Variants in MYO1D observed in about 807,000 individuals in gnomAD.
The protein encoded by MYO1D is myosin ID.
In MYO1D, 83 loss-of-function variants were observed where a neutral mutation model predicts 122.0. The observed-to-expected ratio is 0.68, with a 90% confidence interval of 0.57 to 0.82. The LOEUF (loss-of-function observed/expected upper bound fraction) is 0.82. Ranked by LOEUF, MYO1D falls within the 40% of genes least tolerant of loss-of-function variation. The probability of loss-of-function intolerance (pLI) is 0.00; values close to 1 mark genes in which losing one functional copy is unlikely to be tolerated. For synonymous variants in MYO1D, 464 were observed against 446.9 expected (o/e 1.04, Z -0.48); for missense variants, 1,157 against 1,269.5 (o/e 0.91, Z 1.35).
intron 21 of MYO1D, among the ~76,000 whole-genome samples, chr17:32,552,790 A>G (rs2087030160): frequency 6.6e-6 from 1 of 152,210 alleles, no homozygotes; most frequent in Admixed American, 6.6e-5. Flanking sequence ...TAGTAAGCGA[A>G]ACCACAGAAC....
At chr17:32,608,806 C>T (rs190847538) in intron 20 of MYO1D, among the ~76,000 whole-genome samples, 6 of 152,288 alleles carry the variant, frequency 3.9e-5, no homozygotes, top group East Asian at 1.9e-4. Context: ...AATAATGGAA[C>T]GCTACTCAGC....
chr17:32,678,364 C>T (rs1217684124), intron 16 of MYO1D, among the ~76,000 whole-genome samples: 3 of 150,672 alleles, frequency 2.0e-5, no homozygotes, highest in Non-Finnish European at 3.0e-5. Context: ...CCCACTAACT[C>T]GTCATCTAGC....
chr17:32,595,777 A>G (rs1008583608), intron 21 of MYO1D, among the ~76,000 whole-genome samples: 1 of 152,232 alleles, frequency 6.6e-6, no homozygotes, highest in African/African-American at 2.4e-5. Context: ...CTTGTATTCC[A>G]GTTGGAATAT....
At chr17:32,560,122 G>GCC (rs2087105515) in intron 21 of MYO1D, among the ~76,000 whole-genome samples, 1 of 152,174 alleles carries the variant, frequency 6.6e-6, no homozygotes, top group Non-Finnish European at 1.5e-5. Flanking sequence ...AGGTGTGGTG[G>GCC]CATGTGCCTG....
intron 21 of MYO1D, among the ~76,000 whole-genome samples, chr17:32,532,791 T>C (rs1482188733): frequency 4.0e-5 from 6 of 151,720 alleles, no homozygotes; most frequent in Admixed American, 3.9e-4. Context: ...ACAGCAGGGC[T>C]GAGGCCCTCC....
chr17:32,794,070 G>A (rs534709136), intron 1 of MYO1D: 1 of 152,280 alleles, frequency 6.6e-6, no homozygotes, highest in East Asian at 1.9e-4. Context: ...TCACAGTGAG[G>A]GTTACTTCTG....
chr17:32,755,172 A>C (rs1382831245), intron 11 of MYO1D, among the ~76,000 whole-genome samples: 1 of 152,202 alleles, frequency 6.6e-6, no homozygotes, highest in Non-Finnish European at 1.5e-5. Flanking sequence ...ATTCTAGCAC[A>C]TGAGCAAGGA....
At chr17:32,673,279 A>AT (rs1484481448) in intron 16 of MYO1D, among the ~76,000 whole-genome samples, 1 of 150,612 alleles carries the variant, frequency 6.6e-6, no homozygotes, top group African/African-American at 2.4e-5. Context: ...AATTTTTTGT[A>AT]TTTTAGTAGA....
At chr17:32,687,182 A>C (rs372695709) in intron 16 of MYO1D, among the ~76,000 whole-genome samples, 1 of 145,060 alleles carries the variant, frequency 6.9e-6, no homozygotes, top group Non-Finnish European at 1.5e-5. Flanking sequence ...GCAAGGGCCA[A>C]CATGCCTGGC....
At chr17:32,848,614 C>T (rs2090958669) in intron 1 of MYO1D, among the ~76,000 whole-genome samples, 1 of 152,192 alleles carries the variant, frequency 6.6e-6, no homozygotes, top group South Asian at 2.1e-4. Context: ...AGTTGCCATA[C>T]TCTGTCCTTA....
chr17:32,841,840 T>C (rs1419564198), intron 1 of MYO1D, among the ~76,000 whole-genome samples: 3 of 151,650 alleles, frequency 2.0e-5, no homozygotes, highest in Non-Finnish European at 4.4e-5. Context: ...GAAGTGGGAG[T>C]TCAGGTCTGC....
intron 16 of MYO1D, among the ~76,000 whole-genome samples, chr17:32,704,662 C>T (rs532017977): frequency 5.9e-5 from 9 of 152,278 alleles, no homozygotes; most frequent in Non-Finnish European, 1.2e-4. Context: ...ATTGTTAGTA[C>T]TTGTCAAGCA....
Position 32,721,029 on chromosome 17 carries a change from A to G in MYO1D, c.1907T>C (p.Leu636Pro). The change falls in exon 15 of 22, where the codon CTT (leucine) becomes CCT (proline). Residue 636 changes from leucine to proline, a missense_variant. Transcript: ENST00000318217. The stretch of plus-strand genomic sequence containing the variant: ...CTGACGAGTCTATTCTCACCTGTGA[A>G]GAAACTTCTCGTATGTCTGGCGGAA... ...FAFRQTYEKF[L>P]HRYKMISEFT... The G allele has an allele frequency of 6.2e-7, 1 of 1,613,962 alleles. No homozygotes were observed. The highest frequency in any genetic ancestry group is 8.5e-7 in the Non-Finnish European group (1 of 1,179,888).
intron 16 of MYO1D, among the ~76,000 whole-genome samples, chr17:32,690,280 A>C (rs184863879): frequency 2.5e-4 from 38 of 151,466 alleles, no homozygotes; most frequent in Admixed American, 2.5e-3. Context: ...GGCTCAAGCA[A>C]TTCTCCTGCC....
chr17:32,647,319 C>A (rs1264741102), intron 19 of MYO1D, among the ~76,000 whole-genome samples: 2 of 152,138 alleles, frequency 1.3e-5, no homozygotes, highest in African/African-American at 2.4e-5. Flanking sequence ...GCTGGCGTAG[C>A]CTTGGGATTG....
chr17:32,685,855 G>A (rs147687329), intron 16 of MYO1D, among the ~76,000 whole-genome samples: 24 of 152,320 alleles, frequency 1.6e-4, no homozygotes, highest in African/African-American at 5.5e-4. Flanking sequence ...ATTCACTTCT[G>A]CCTTCTTGAC....
At chr17:32,566,098 A>G (rs1328868714) in intron 21 of MYO1D, among the ~76,000 whole-genome samples, 1 of 152,190 alleles carries the variant, frequency 6.6e-6, no homozygotes, top group African/African-American at 2.4e-5. Context: ...CTATATATTC[A>G]TTCAACACAT....
chr17:32,754,388 A>G (rs1193045427), intron 11 of MYO1D, among the ~76,000 whole-genome samples: 2 of 152,256 alleles, frequency 1.3e-5, no homozygotes, highest in Non-Finnish European at 2.9e-5. Flanking sequence ...CCAAAACCCT[A>G]ACATGAAAGA....
intron 14 of MYO1D, among the ~76,000 whole-genome samples, chr17:32,723,769 TGCAGCTGCTTGGTGA>T (rs2089539633): frequency 6.6e-6 from 1 of 152,144 alleles, no homozygotes; most frequent in South Asian, 2.1e-4. Flanking sequence ...CCCAGCTGAC[TGCAGCTGCTTGGTGA>T]GCCCAGCAGA....
Sources: gnomAD v4.1 joint callset for allele counts (sites outside exome capture counted in the v4.1 genomes callset) on GRCh38, gnomAD v4.1.1 for gene constraint, MANE v1.5 for transcripts, NCBI Gene and HGNC (gene_info 2026-07-23, HGNC 2026-07-21) for gene names.